The following ACIN1 variants were observed in gnomAD, a reference collection of about 807,000 sequenced individuals.
ACIN1 encodes the protein apoptotic chromatin condensation inducer 1, also known as apoptotic chromatin condensation inducer in the nucleus.
Under a neutral mutation model 146.6 loss-of-function variants are expected in ACIN1, and 16 were observed. The ratio of observed to expected loss-of-function variants is 0.11; its 90% CI spans 0.07 to 0.17. The LOEUF (loss-of-function observed/expected upper bound fraction) is 0.17, where lower values mean the gene tolerates loss of function less well. ACIN1 is among the 10% of genes least tolerant of loss of function. The pLI, the probability that ACIN1 is intolerant of heterozygous loss-of-function variation, is 1.00. For missense variants in ACIN1, 1,357 were observed against 1,609.3 expected (o/e 0.84, Z 2.68); for synonymous variants, 569 against 582.7 (o/e 0.98, Z 0.34).
chr14:23,068,470 G>A lies in ACIN1; in HGVS notation c.2265+1006C>T, dbSNP rs139833208. ...ACAGTGTTCTTCTTGGCCCCCTGAT[G>A]TAAGCAAGACAGGGAGGCAAAAGGG... On this transcript the variant is annotated intron_variant, in intron 9 of 18. Transcript: ENST00000605057. This position sits in a 1 kb window ranked among gnomAD's most constrained non-coding sequence, Gnocchi z 4.3. The A allele has an allele frequency of 5.1e-6, 5 of 985,886 alleles. No individual in the cohort carries two copies. The highest frequency in any genetic ancestry group is 6.0e-6 in the Non-Finnish European group (5 of 829,956). The allele number at this position is 985,886 out of a possible 1,614,324, so 61.1% of individuals were successfully genotyped here.
At position 23,078,901 on chromosome 14, in the gene ACIN1, G is replaced by A; in HGVS notation, c.1926C>T (p.Ser642=). Residue 642 remains serine (S), a synonymous_variant, in exon 7 of 19, where the codon TCC becomes TCT. Coordinates refer to ENST00000605057, the MANE Select transcript of ACIN1 (RefSeq NM_001386863.1). The part of the protein sequence containing the change: ...VCEPKERTST[S]SSSVQARRLS... ...GACGCCTTGCTTGGACAGAGGATGA[G>A]GAGGTGGAAGTCCTCTCCTTTGGCT... 6.2e-7 allele frequency: 1 copy of A among 1,614,102 alleles called. No individual in the cohort carries two copies. Among genetic ancestry groups the A allele is most frequent in the Non-Finnish European group, 8.5e-7 (1 of 1,180,030 alleles).
At chr14:23,078,727 C>T in intron 7 of ACIN1, 93 bp downstream of exon 7, 3 of 1,338,952 alleles carry the variant, frequency 2.2e-6, no homozygotes, top group Non-Finnish European at 3.1e-6. Context: ...TGAACCTTGT[C>T]CAGACTTAAC....
At chr14:23,071,919 G>A (rs2047669414) in intron 8 of ACIN1, among the ~76,000 whole-genome samples, 1 of 152,204 alleles carries the variant, frequency 6.6e-6, no homozygotes, top group Non-Finnish European at 1.5e-5. Flanking sequence ...GAACGATAAA[G>A]CCAAAGTTGA....
At chr14:23,088,204 T>C (rs2048136470) in intron 4 of ACIN1, among the ~76,000 whole-genome samples, 1 of 152,192 alleles carries the variant, frequency 6.6e-6, no homozygotes, top group Non-Finnish European at 1.5e-5. Context: ...TTAGAAGAGC[T>C]TTCTCTTTCC....
Position 23,067,648 on chromosome 14 carries a change from C to T in ACIN1, c.2266-1640G>A. On this transcript the variant is annotated intron_variant, in intron 9 of 18. Transcript: ENST00000605057. The surrounding 1 kb of genome is among the most constrained non-coding windows in gnomAD (Gnocchi z 4.6). ...CCCTGAAGGGACATCATCTTGCAGT[C>T]CCTGATGAGATGGCCTGTGAGTAGC... The T allele has an allele frequency of 1.0e-6, 1 of 985,890 alleles. No individual in the cohort carries two copies. Among genetic ancestry groups the T allele is most frequent in the Non-Finnish European group, 1.2e-6 (1 of 829,950 alleles). 61.1% of individuals were successfully genotyped at this position (985,890 alleles called of 1,614,324 possible).
chr14:23,059,141 T>G lies in ACIN1; in HGVS notation c.*7A>C. On this transcript the variant is annotated 3_prime_UTR_variant, in exon 19 of 19. Coordinates refer to ENST00000605057, the MANE Select transcript of ACIN1 (RefSeq NM_001386863.1). ...GGCTGGTACCTGCAGCTCTAGTGTT[T>G]TCCCAGCTAGCGGCGCCCACCCCGG... 6.2e-7 allele frequency: 1 copy of G among 1,612,480 alleles called. No individual in the cohort carries two copies. The highest frequency in any genetic ancestry group is 8.5e-7 in the Non-Finnish European group (1 of 1,179,122).
intron 8 of ACIN1, chr14:23,071,694 T>C: frequency 1.2e-6 from 1 of 829,226 alleles, no homozygotes; most frequent in Non-Finnish European, 1.8e-6. Context: ...GACTGCTGGC[T>C]CCAGAGGCCT....
At chr14:23,081,927 T>A in intron 4 of ACIN1, 91 bp from the exon 5 acceptor site, 1 of 945,360 alleles carries the variant, frequency 1.1e-6, no homozygotes, top group Non-Finnish European at 1.6e-6. Context: ...TCCAACCAAT[T>A]ATAGCATATG....
intron 6 of ACIN1, 136 bp downstream of exon 6, chr14:23,079,411 A>T: frequency 7.1e-7 from 1 of 1,416,142 alleles, no homozygotes; most frequent in Non-Finnish European, 9.5e-7. Flanking sequence ...AAATGAGGAG[A>T]AAGTAATCAG....
At chr14:23,095,228 T>A (rs61745081), upstream of ACIN1, 1 of 1,613,424 alleles carries the variant, frequency 6.2e-7, no homozygotes, top group Non-Finnish European at 8.5e-7. Flanking sequence ...TACCCCTCGA[T>A]TACCACTCAG....
chr14:23,077,059 C>G (rs1420997307), intron 8 of ACIN1, among the ~76,000 whole-genome samples: 2 of 152,098 alleles, frequency 1.3e-5, no homozygotes, highest in African/African-American at 4.8e-5. Flanking sequence ...CTGTCAGAAT[C>G]GACAAGGATT....
At chr14:23,094,431 C>T in intron 1 of ACIN1, 1 of 980,634 alleles carries the variant, frequency 1.0e-6, no homozygotes, top group Non-Finnish European at 1.2e-6. Context: ...CACTAGATGC[C>T]ACTAAATTAG....
At chr14:23,072,323 A>C (rs188152407) in intron 8 of ACIN1, among the ~76,000 whole-genome samples, 1 of 152,300 alleles carries the variant, frequency 6.6e-6, no homozygotes, top group East Asian at 1.9e-4. Flanking sequence ...TCGGGCCAGA[A>C]AAAGAAAGGA....
chr14:23,085,780 A>G (rs1200780569), intron 4 of ACIN1, among the ~76,000 whole-genome samples: 1 of 152,248 alleles, frequency 6.6e-6, no homozygotes, highest in Middle Eastern at 3.2e-3. Context: ...TGAATGTCTT[A>G]GGCCAGATGT....
upstream of ACIN1, chr14:23,095,348 C>G (rs894442082): frequency 4.0e-5 from 61 of 1,534,654 alleles, no homozygotes; most frequent in African/African-American, 7.8e-4. Context: ...TGCTTTCAGG[C>G]TCGGTTTTCT....
intron 8 of ACIN1, chr14:23,076,587 G>C (rs1486053469): frequency 6.6e-6 from 1 of 152,120 alleles, no homozygotes; most frequent in Non-Finnish European, 1.5e-5. Flanking sequence ...CTGTTGCTAG[G>C]ATCTCATAAA....
intron 8 of ACIN1, among the ~76,000 whole-genome samples, chr14:23,070,779 G>C (rs2047616192): frequency 6.6e-6 from 1 of 152,098 alleles, no homozygotes; most frequent in African/African-American, 2.4e-5. Flanking sequence ...CTGACACTCA[G>C]AGGTCAGAAG....
At chr14:23,084,737 G>T (rs1008707997) in intron 4 of ACIN1, among the ~76,000 whole-genome samples, 4 of 151,716 alleles carry the variant, frequency 2.6e-5, no homozygotes, top group African/African-American at 9.7e-5. Context: ...ATACCATTTC[G>T]TATCTGGGTA....
chr14:23,071,103 C>A (rs1258998399), intron 8 of ACIN1: 1 of 1,550,668 alleles, frequency 6.4e-7, no homozygotes, highest in South Asian at 1.2e-5. Flanking sequence ...AAAAGGCATA[C>A]ATGGAAATGT....
Sources: allele counts gnomAD v4.1 joint callset (sites outside exome capture counted in the v4.1 genomes callset), GRCh38; gene constraint gnomAD v4.1.1; non-coding constraint Gnocchi (gnomAD v3.1); transcripts MANE v1.5; gene names NCBI Gene and HGNC (gene_info 2026-07-23, HGNC 2026-07-21).